Variants in CTNNA3 observed in about 807,000 individuals in gnomAD.
CTNNA3 encodes the protein catenin alpha 3, also known as catenin alpha-3.
CTNNA3 carries 76 observed loss-of-function variants against 95.7 expected under a neutral mutation model. The observed-to-expected ratio is 0.79, with a 90% CI of 0.66 to 0.96. The LOEUF (loss-of-function observed/expected upper bound fraction) is 0.96, where lower values mean the gene tolerates loss of function less well. CTNNA3 is among the 40% of genes least tolerant of loss of function. The pLI is 0.00. For synonymous variants in CTNNA3, 431 were observed against 374.4 expected, an observed-to-expected ratio of 1.15 and a Z score of -1.74; for missense variants, 1,191 against 1,089.8, an observed-to-expected ratio of 1.09 and a Z score of -1.31.
chr10:65,970,624 AT>A (rs1159624156), intron 16 of CTNNA3, among the ~76,000 whole-genome samples: 1 of 150,206 alleles, frequency 6.7e-6, no homozygotes, highest in African/African-American at 2.4e-5. Flanking sequence ...AGGAGCGGCT[AT>A]TATATTAGAT....
chr10:66,484,600 C>A (rs763350224), intron 11 of CTNNA3, among the ~76,000 whole-genome samples: 2 of 151,854 alleles, frequency 1.3e-5, no homozygotes, highest in Admixed American at 1.3e-4. Flanking sequence ...ATAACCCTTA[C>A]TGGGAATCAG....
intron 12 of CTNNA3, among the ~76,000 whole-genome samples, chr10:66,340,655 A>G (rs1564881047): frequency 6.6e-6 from 1 of 151,804 alleles, no homozygotes; most frequent in Non-Finnish European, 1.5e-5. Flanking sequence ...AATACATGAA[A>G]TATTATTAAA....
chr10:66,528,035 C>G (rs143667300), intron 10 of CTNNA3, among the ~76,000 whole-genome samples: 8 of 152,270 alleles, frequency 5.3e-5, no homozygotes, highest in African/African-American at 9.6e-5. Context: ...CTCCAAGGAA[C>G]TGCTGAAAGC....
chr10:67,748,867 CAA>C (rs1327845707), intron 1 of CTNNA3, among the ~76,000 whole-genome samples: 1 of 152,130 alleles, frequency 6.6e-6, no homozygotes, highest in African/African-American at 2.4e-5. Flanking sequence ...ATCTCATGTG[CAA>C]AGACACACAT....
rs184154435 is a variant in CTNNA3 at position 66,110,469 on chromosome 10, T to C, written c.1885-7220A>G. ...AGCAACCTAGGTGTCTTTCATTGGATGAATGAATAAAGAAACTGTGAGCTC... is the reference window on the plus strand; with the variant it reads ...AGCAACCTAGGTGTCTTTCATTGGACGAATGAATAAAGAAACTGTGAGCTC... On this transcript the variant is annotated intron_variant, in intron 13 of 17. Coordinates refer to ENST00000433211, the MANE Select transcript of CTNNA3 (RefSeq NM_013266.4). Among the ~76,000 whole-genome samples the C allele has an allele frequency of 1.4e-4, 21 of 152,056 alleles. No homozygotes were observed. In the East Asian group the frequency reaches 4.1e-3, roughly 29 times the overall value.
At chr10:67,725,934 T>G (rs544025981) in intron 1 of CTNNA3, among the ~76,000 whole-genome samples, 1 of 139,618 alleles carries the variant, frequency 7.2e-6, no homozygotes, top group African/African-American at 2.7e-5. Context: ...TATAATTATA[T>G]AATTATTTTT....
chr10:67,510,859 T>C lies in CTNNA3; in HGVS notation c.579+10983A>G, dbSNP rs529124494. On this transcript the variant is annotated intron_variant, in intron 5 of 17. Transcript: ENST00000433211. The stretch of plus-strand genomic sequence containing the variant: ...TGTTCTTCCATTTGTTTGTGTCCTC[T>C]TATTTCCTTGAGCAGTGGTTTGTAG... 1.1e-4 allele frequency among the ~76,000 whole-genome samples: 16 copies of C among 152,234 alleles called. No individual in the cohort carries two copies. The South Asian group carries it at 3.3e-3, about 32-fold the overall frequency.
In CTNNA3 at chr10:66,293,667, C is replaced by CTTT. The variant is rs11374911; in HGVS notation, c.1733-13049_1733-13047dup. Among the ~76,000 whole-genome samples, 541 of 138,392 alleles carry CTTT rather than the reference C, an allele frequency of 3.9e-3. 6 individuals carry two copies. The highest frequency in any genetic ancestry group is 0.01 in the African/African-American group (375 of 37,048). 90.8% of individuals were successfully genotyped at this position (138,392 alleles called of 152,430 possible). On this transcript the variant is annotated intron_variant, in intron 12 of 17. Coordinates refer to ENST00000433211, the MANE Select transcript of CTNNA3 (RefSeq NM_013266.4). Reference sequence around the variant, plus strand: ...CAGCATTATTTTTTCTTTTTTCTTTCTTTTTTTTTTTTTTCTGAGATGAAC... The same window carrying CTTT: ...CAGCATTATTTTTTCTTTTTTCTTTCTTTTTTTTTTTTTTTTTCTGAGATGAAC...
At chr10:67,396,773 C>T (rs573541935) in intron 5 of CTNNA3, among the ~76,000 whole-genome samples, 36 of 136,442 alleles carry the variant, frequency 2.6e-4, no homozygotes, top group Non-Finnish European at 5.1e-4. Context: ...GGGAGGGACA[C>T]GGTGGGAGGT....
At chr10:66,419,177 A>G (rs7910117) in intron 11 of CTNNA3, among the ~76,000 whole-genome samples, 58,073 of 151,986 alleles carry the variant, frequency 0.38, 11,657 homozygotes, top group African/African-American at 0.5. Flanking sequence ...CAGTTACACT[A>G]CAGGATACAA....
At chr10:67,643,197 T>C (rs955388969) in intron 2 of CTNNA3, among the ~76,000 whole-genome samples, 2 of 152,154 alleles carry the variant, frequency 1.3e-5, no homozygotes, top group African/African-American at 4.8e-5. Context: ...TGGAAGTCAT[T>C]ATCCTCAGCA....
chr10:66,739,832 A>G (rs1018596330), intron 9 of CTNNA3, among the ~76,000 whole-genome samples: 1 of 152,290 alleles, frequency 6.6e-6, no homozygotes, highest in South Asian at 2.1e-4. Context: ...GTGTAGACAC[A>G]AACATATACA....
chr10:66,882,813 A>T (rs1016411104), intron 7 of CTNNA3, among the ~76,000 whole-genome samples: 3 of 152,174 alleles, frequency 2.0e-5, no homozygotes, highest in Non-Finnish European at 4.4e-5. Flanking sequence ...AAAAGCATGG[A>T]AACATAGGAT....
chr10:66,640,033 A>C (rs1344455707), intron 9 of CTNNA3, among the ~76,000 whole-genome samples: 3 of 152,160 alleles, frequency 2.0e-5, no homozygotes, highest in Non-Finnish European at 2.9e-5. Flanking sequence ...CAGAAATCTT[A>C]TTATTTCAAA....
chr10:66,455,271 A>G (rs1026788341), intron 11 of CTNNA3, among the ~76,000 whole-genome samples: 1 of 152,178 alleles, frequency 6.6e-6, no homozygotes, highest in African/African-American at 2.4e-5. Context: ...CTACAATAAC[A>G]ATTTTAAAAT....
chr10:66,021,118 GATCTCT>G (rs1168452939), intron 15 of CTNNA3, among the ~76,000 whole-genome samples: 1 of 152,106 alleles, frequency 6.6e-6, no homozygotes, highest in Non-Finnish European at 1.5e-5. Flanking sequence ...AAACGTCTGT[GATCTCT>G]ATTTGTCACG....
At chr10:67,301,191 T>TTA (rs773879013) in intron 5 of CTNNA3, among the ~76,000 whole-genome samples, 8 of 152,166 alleles carry the variant, frequency 5.3e-5, no homozygotes, top group Non-Finnish European at 1.2e-4. Flanking sequence ...ATGTCCTTAA[T>TTA]TGTATGTGCC....
At chr10:66,926,258 CCA>C (rs1847065425) in intron 7 of CTNNA3, 6 of 509,830 alleles carry the variant, frequency 1.2e-5, no homozygotes, top group Non-Finnish European at 1.8e-5. Flanking sequence ...ATTGTAGGAT[CCA>C]GTTTTTTTTT....
intron 5 of CTNNA3, among the ~76,000 whole-genome samples, chr10:67,234,011 G>A (rs1461615557): frequency 2.0e-5 from 3 of 152,150 alleles, no homozygotes; most frequent in African/African-American, 7.2e-5. Context: ...TGAAATTGTG[G>A]CAATAATCAA....
Sources: gnomAD v4.1 joint callset for allele counts (sites outside exome capture counted in the v4.1 genomes callset) on GRCh38, gnomAD v4.1.1 for gene constraint, MANE v1.5 for transcripts, NCBI Gene and HGNC (gene_info 2026-07-23, HGNC 2026-07-21) for gene names.